Variants in AFF3 observed in about 807,000 individuals in gnomAD.
AFF3 encodes the protein ALF transcription elongation factor 3.
Under a neutral mutation model 129.7 loss-of-function variants are expected in AFF3, and 32 were observed. The ratio of observed to expected loss-of-function variants is 0.25; its 90% confidence interval spans 0.19 to 0.33. The LOEUF (loss-of-function observed/expected upper bound fraction) is 0.33, where lower values mean the gene tolerates loss of function less well. Among genes scored for constraint, AFF3 ranks in the 10% least tolerant of loss-of-function variants. The pLI, the probability that AFF3 is intolerant of heterozygous loss-of-function variation, is 1.00. For missense variants in AFF3, 1,373 were observed against 1,592.0 expected (o/e 0.86, Z 2.34); for synonymous variants, 644 against 635.4 (o/e 1.01, Z -0.20).
intron 8 of AFF3, among the ~76,000 whole-genome samples, chr2:99,782,516 T>A (rs1684492629): frequency 6.6e-6 from 1 of 152,218 alleles, no homozygotes; most frequent in Non-Finnish European, 1.5e-5. Flanking sequence ...TCCGCGGCAA[T>A]CCATCTGAAA....
intron 17 of AFF3, among the ~76,000 whole-genome samples, chr2:99,581,900 G>C (rs576452434): frequency 1.4e-5 from 2 of 147,996 alleles, no homozygotes; most frequent in South Asian, 4.3e-4. Flanking sequence ...TGTCGCCCAG[G>C]CTGGAGTGCA....
intron 7 of AFF3, among the ~76,000 whole-genome samples, chr2:99,968,271 C>T (rs1368530634): frequency 2.0e-5 from 3 of 152,224 alleles, no homozygotes; most frequent in Non-Finnish European, 4.4e-5. Context: ...TGGTCAGCAA[C>T]TGACTTCATT....
chr2:99,940,425 G>C (rs1180749880), intron 7 of AFF3, among the ~76,000 whole-genome samples: 1 of 152,128 alleles, frequency 6.6e-6, no homozygotes, highest in Non-Finnish European at 1.5e-5. Context: ...GAGACAGGAG[G>C]TCAGCACAAG....
intron 8 of AFF3, among the ~76,000 whole-genome samples, chr2:99,804,722 A>T (rs1375452556): frequency 1.3e-5 from 2 of 152,218 alleles, no homozygotes; most frequent in Non-Finnish European, 2.9e-5. Context: ...AGAAAATGTG[A>T]TATATACACC....
intron 2 of AFF3, among the ~76,000 whole-genome samples, chr2:100,127,754 T>A (rs1349728531): frequency 6.6e-6 from 1 of 152,162 alleles, no homozygotes; most frequent in Admixed American, 6.5e-5. Context: ...AGTAGGTAGA[T>A]CTTCAACCCT....
intron 4 of AFF3, among the ~76,000 whole-genome samples, chr2:100,077,223 T>C (rs1268166426): frequency 1.3e-5 from 2 of 152,164 alleles, no homozygotes; most frequent in Non-Finnish European, 2.9e-5. Context: ...CACTCCAGCC[T>C]GGGCGACAGT....
At chr2:99,851,726 T>G (rs561967846) in intron 7 of AFF3, among the ~76,000 whole-genome samples, 2 of 152,318 alleles carry the variant, frequency 1.3e-5, no homozygotes, top group Non-Finnish European at 1.5e-5. Flanking sequence ...CCAAAATGCT[T>G]TCTAGACACA....
chr2:99,733,797 T>G (rs1680032753), intron 10 of AFF3, among the ~76,000 whole-genome samples: 1 of 152,218 alleles, frequency 6.6e-6, no homozygotes, highest in Non-Finnish European at 1.5e-5. Flanking sequence ...TCACTTTCAT[T>G]GCTCAATTTG....
At chr2:100,116,875 C>T (rs138325921) in intron 2 of AFF3, among the ~76,000 whole-genome samples, 122 of 152,138 alleles carry the variant, frequency 8.0e-4, no homozygotes, top group African/African-American at 2.9e-3. Context: ...AGTAAGGGAA[C>T]ATCAATTTTT....
intron 8 of AFF3, among the ~76,000 whole-genome samples, chr2:99,820,356 T>C (rs987724925): frequency 2.0e-5 from 3 of 152,038 alleles, no homozygotes; most frequent in Admixed American, 6.5e-5. Flanking sequence ...TACCGAAACA[T>C]AGAAAAGGTG....
At chr2:99,696,049 T>C (rs1198641859) in intron 11 of AFF3, among the ~76,000 whole-genome samples, 3 of 150,180 alleles carry the variant, frequency 2.0e-5, no homozygotes, top group Non-Finnish European at 4.4e-5. Context: ...GTCATCCCTT[T>C]CCCAAGAAAG....
At chr2:99,771,221 A>T (rs566970383) in intron 8 of AFF3, among the ~76,000 whole-genome samples, 1 of 152,168 alleles carries the variant, frequency 6.6e-6, no homozygotes, top group African/African-American at 2.4e-5. Context: ...GAACACATGG[A>T]CACATGGATG....
intron 11 of AFF3, among the ~76,000 whole-genome samples, chr2:99,678,134 C>A (rs984424073): frequency 6.6e-6 from 1 of 152,176 alleles, no homozygotes; most frequent in Non-Finnish European, 1.5e-5. Flanking sequence ...TAAATGCCTT[C>A]GAATTGTGAA....
At chr2:99,672,175 TTC>T (rs772482261) in intron 12 of AFF3, among the ~76,000 whole-genome samples, 96,091 of 139,480 alleles carry the variant, frequency 0.69, 33,160 homozygotes, top group African/African-American at 0.78. Context: ...GCCAGTTAGC[TTC>T]TCACACACAC....
At chr2:100,057,426 C>T (rs1187559867) in intron 4 of AFF3, among the ~76,000 whole-genome samples, 1 of 150,976 alleles carries the variant, frequency 6.6e-6, no homozygotes, top group African/African-American at 2.4e-5. Flanking sequence ...ATCTCTTTAA[C>T]TCTCAGCTCA....
intron 10 of AFF3, 93 bp from the exon 11 acceptor site, chr2:99,727,221 C>T: frequency 8.1e-7 from 1 of 1,237,618 alleles, no homozygotes; most frequent in South Asian, 1.4e-5. Flanking sequence ...CTCCTATTAA[C>T]AATCTTTCAA....
chr2:99,984,655 TC>T (rs1359065045), intron 7 of AFF3, among the ~76,000 whole-genome samples: 1 of 152,134 alleles, frequency 6.6e-6, no homozygotes, highest in African/African-American at 2.4e-5. Context: ...TACCATCTGT[TC>T]CAGTTCTATA....
rs551341630 is a variant in AFF3 at position 99,650,432 on chromosome 2, G to A, written c.1144-766C>T. ...AAATTAGCTGGGTGTGGTGGCATGC[G>A]CCTGTAGTCCCAGTGACTCAGGAGG... On this transcript the variant is annotated intron_variant, in intron 12 of 24. Transcript: ENST00000672756. Among the ~76,000 whole-genome samples the A allele has an allele frequency of 2.2e-3, 329 of 152,150 alleles. 1 individual carries two copies. The highest frequency in any genetic ancestry group is 7.6e-3 in the African/African-American group (316 of 41,524).
chr2:99,615,792 A>G (rs896412422), intron 13 of AFF3, among the ~76,000 whole-genome samples: 4 of 152,212 alleles, frequency 2.6e-5, no homozygotes, highest in African/African-American at 9.6e-5. Flanking sequence ...GCCCCAGATG[A>G]GCGAATAACC....
Sources: gnomAD v4.1 joint callset for allele counts (sites outside exome capture counted in the v4.1 genomes callset) on GRCh38, gnomAD v4.1.1 for gene constraint, MANE v1.5 for transcripts, NCBI Gene and HGNC (gene_info 2026-07-23, HGNC 2026-07-21) for gene names.